The following ZNF43 variants were observed in gnomAD, a reference collection of about 807,000 sequenced individuals.
The protein encoded by ZNF43 is zinc finger protein 39-like 1 (KOX 27).
ZNF43 carries 44 observed loss-of-function variants against 68.4 expected under a neutral mutation model. That is an observed-to-expected ratio of 0.64 (90% CI 0.51 to 0.83). The LOEUF is 0.83. ZNF43 is among the 40% of genes least tolerant of loss of function. The probability of loss-of-function intolerance (pLI) is 0.00; values close to 1 mark genes in which losing one functional copy is unlikely to be tolerated. For missense variants in ZNF43, 896 were observed against 933.2 expected (o/e 0.96, Z 0.52); for synonymous variants, 308 against 307.8 (o/e 1.00, Z -0.01).
chr19:21,835,274 AAG>A (rs2038653641), intron 1 of ZNF43, among the ~76,000 whole-genome samples: 2 of 151,084 alleles, frequency 1.3e-5, no homozygotes, highest in South Asian at 2.1e-4. Flanking sequence ...AAAGAAAAAA[AAG>A]AAAAAATAGT....
At position 21,804,999 on chromosome 19, in the gene ZNF43, T is replaced by C. The variant is rs1434749634; in HGVS notation, c.*2608A>G. On this transcript the variant is annotated 3_prime_UTR_variant, in exon 4 of 4. Transcript: ENST00000354959. ...TTTATTTATACTTCTATATAATTTT[T>C]ATAATTAAAATGACCCTGTAGTCAA... 1.3e-5 allele frequency: 2 copies of C among 152,224 alleles called. No individual in the cohort carries two copies. The highest frequency in any genetic ancestry group is 4.8e-5 in the African/African-American group (2 of 41,458). The allele number at this position is 152,224 out of a possible 1,614,324, so 9.4% of individuals were successfully genotyped here.
chr19:21,814,481 C>G (rs1183566847), intron 3 of ZNF43, among the ~76,000 whole-genome samples: 1 of 151,402 alleles, frequency 6.6e-6, no homozygotes, highest in Non-Finnish European at 1.5e-5. Flanking sequence ...CACGATCTGG[C>G]TCACTGCAAT....
At chr19:21,828,443 G>A (rs914198348) in intron 1 of ZNF43, among the ~76,000 whole-genome samples, 27 of 151,854 alleles carry the variant, frequency 1.8e-4, no homozygotes, top group African/African-American at 5.3e-4. Context: ...GGCCAGGCGC[G>A]GTGGCTCATG....
Position 21,809,401 on chromosome 19 carries a change from G to C in ZNF43, c.636C>G (p.Asn212Lys), listed in dbSNP as rs2037166392. Reference protein sequence around the residue: ...CKCEKCGKAFNCPSIITKHKR... With the variant: ...CKCEKCGKAFKCPSIITKHKR... ...TATGTTTAGTGATGATTGAAGGGCA[G>C]TTAAAAGCTTTTCCACATTTTTCAC... The change falls in exon 4 of 4, where the codon AAC (asparagine) becomes AAG (lysine). Residue 212 changes from asparagine (N) to lysine (K), a missense_variant. Coordinates refer to ENST00000354959, the MANE Select transcript of ZNF43 (RefSeq NM_003423.4). The C allele has an allele frequency of 2.5e-6, 4 of 1,613,540 alleles. No individual in the cohort carries two copies. The highest frequency in any genetic ancestry group is 3.4e-6 in the Non-Finnish European group (4 of 1,179,758).
At chr19:21,838,406 T>C (rs2435047), upstream of ZNF43, among the ~76,000 whole-genome samples, 6 of 85,524 alleles carry the variant, frequency 7.0e-5, no homozygotes, top group Admixed American at 2.1e-4. Context: ...TAAATTTTTT[T>C]TTTTTTTTTT....
At chr19:21,825,608 A>C (rs1194922263) in intron 1 of ZNF43, among the ~76,000 whole-genome samples, 1 of 150,018 alleles carries the variant, frequency 6.7e-6, no homozygotes, top group Non-Finnish European at 1.5e-5. Flanking sequence ...AGCAGGTTTC[A>C]CCTACACAGT....
upstream of ZNF43, chr19:21,837,858 T>A (rs1376384275): frequency 6.6e-6 from 1 of 152,230 alleles, no homozygotes; most frequent in Admixed American, 6.5e-5. Flanking sequence ...CCCTACCTTT[T>A]TCCTTCTCCA....
chr19:21,812,038 A>G (rs2037299177), intron 3 of ZNF43: 1 of 398,628 alleles, frequency 2.5e-6, no homozygotes, highest in East Asian at 3.6e-5. Context: ...GAAAACATTC[A>G]ATAGAGAGAC....
At chr19:21,833,081 A>G (rs977084839) in intron 1 of ZNF43, among the ~76,000 whole-genome samples, 1 of 152,156 alleles carries the variant, frequency 6.6e-6, no homozygotes. Context: ...ACGTTTTCTT[A>G]TAAAAATGTA....
At chr19:21,824,076 C>T (rs2037988138) in intron 1 of ZNF43, among the ~76,000 whole-genome samples, 1 of 152,080 alleles carries the variant, frequency 6.6e-6, no homozygotes, top group African/African-American at 2.4e-5. Flanking sequence ...GTAGTCCCAG[C>T]TACTCTGGAG....
At chr19:21,828,250 CTACTT>C (rs1490861566) in intron 1 of ZNF43, among the ~76,000 whole-genome samples, 1 of 152,150 alleles carries the variant, frequency 6.6e-6, no homozygotes, top group Non-Finnish European at 1.5e-5. Context: ...TCAGTTAAAA[CTACTT>C]TATATTTCAA....
chr19:21,816,799 G>A (rs1188648312), intron 3 of ZNF43, among the ~76,000 whole-genome samples: 8 of 151,974 alleles, frequency 5.3e-5, no homozygotes, highest in Admixed American at 3.9e-4. Context: ...ATGCAGACCC[G>A]ACTGCAAAAA....
chr19:21,812,233 T>C (rs1422503548), intron 3 of ZNF43, among the ~76,000 whole-genome samples: 1 of 152,142 alleles, frequency 6.6e-6, no homozygotes, highest in Admixed American at 6.5e-5. Context: ...TTCACACCAT[T>C]CTCCTGTCTC....
At chr19:21,844,911 AAAAAAAAAAAATATATAT>A (rs1223412808) in intron 1 of ZNF43, among the ~76,000 whole-genome samples, 4 of 103,704 alleles carry the variant, frequency 3.9e-5, no homozygotes, top group Non-Finnish European at 7.4e-5. Context: ...AAAAAAAAAA[AAAAAAAAAAAATATATAT>A]ATATATATAT....
intron 1 of ZNF43, among the ~76,000 whole-genome samples, chr19:21,848,383 T>C (rs1347318470): frequency 8.6e-5 from 13 of 151,728 alleles, no homozygotes; most frequent in Admixed American, 7.9e-4. Context: ...TGACCTTAAC[T>C]GATCCACTCA....
At chr19:21,827,018 A>C (rs1443608862) in intron 1 of ZNF43, 1 of 152,314 alleles carries the variant, frequency 6.6e-6, no homozygotes, top group Non-Finnish European at 1.5e-5. Context: ...AAAAAAAAGA[A>C]GTTCAAAGCA....
intron 3 of ZNF43, among the ~76,000 whole-genome samples, chr19:21,815,552 T>C (rs1285132584): frequency 6.7e-6 from 1 of 149,160 alleles, no homozygotes; most frequent in Non-Finnish European, 1.5e-5. Flanking sequence ...AAACAAATAT[T>C]TGGGAATAAA....
intron 1 of ZNF43, among the ~76,000 whole-genome samples, chr19:21,848,125 A>G (rs1968091979): frequency 6.6e-6 from 1 of 150,740 alleles, no homozygotes; most frequent in South Asian, 2.1e-4. Flanking sequence ...CCGGCCTTAT[A>G]TGTAACAATT....
intron 1 of ZNF43, among the ~76,000 whole-genome samples, chr19:21,822,596 G>A (rs990313885): frequency 2.6e-5 from 4 of 151,882 alleles, no homozygotes; most frequent in African/African-American, 9.7e-5. Flanking sequence ...ACAAGGTCAG[G>A]AGATCGAGAC....
Sources: allele counts gnomAD v4.1 joint callset (sites outside exome capture counted in the v4.1 genomes callset), GRCh38; gene constraint gnomAD v4.1.1; transcripts MANE v1.5; gene names NCBI Gene and HGNC (gene_info 2026-07-23, HGNC 2026-07-21).